KCTD8: variants seen among roughly 807,000 people sequenced by gnomAD.
KCTD8 encodes potassium channel tetramerization domain containing 8, also known as BTB/POZ domain-containing protein KCTD8.
Under a neutral mutation model 31.5 loss-of-function variants are expected in KCTD8, and 27 were observed. The ratio of observed to expected loss-of-function variants is 0.86; its 90% CI spans 0.63 to 1.18. KCTD8 has a LOEUF of 1.18. Among genes scored for constraint, KCTD8 ranks in the 50% most tolerant of loss-of-function variants. KCTD8 has a pLI of 0.00. For missense variants in KCTD8, 658 were observed against 647.7 expected, an observed-to-expected ratio of 1.02 and a Z score of -0.17; for synonymous variants, 290 against 280.0, an observed-to-expected ratio of 1.04 and a Z score of -0.36.
rs1436032928 is a variant in KCTD8 at position 44,404,222 on chromosome 4, A to G, written c.961+43341T>C. On this transcript the variant is annotated intron_variant, in intron 1 of 1. Coordinates refer to ENST00000360029, the MANE Select transcript of KCTD8 (RefSeq NM_198353.3). ...AAATAGTCATATATAATTGTCATAT[A>G]TGGCAGCCAGCTTTTTAAGTTCAAG... Among the ~76,000 whole-genome samples, 8 of 152,370 alleles carry G rather than the reference A, an allele frequency of 5.3e-5. No individual in the cohort carries two copies. In the South Asian group the frequency reaches 1.2e-3, roughly 24 times the overall value.
rs1309549385 is a variant in KCTD8, at chr4:44,185,946, T to C, written c.962-10696A>G. 2.6e-5 allele frequency among the ~76,000 whole-genome samples: 4 copies of C among 152,032 alleles called. No individual in the cohort carries two copies. The East Asian group carries it at 7.7e-4, about 29-fold the overall frequency. On this transcript the variant is annotated intron_variant, in intron 1 of 1. Transcript: ENST00000360029. ...ATACTGGAGCGGGACAGGGAAGTGCTGGGAGGAAAAGGGCGGGGTCCCTGG... is the reference window on the plus strand; with the variant it reads ...ATACTGGAGCGGGACAGGGAAGTGCCGGGAGGAAAAGGGCGGGGTCCCTGG...
At chr4:44,251,779 C>T (rs28612988) in intron 1 of KCTD8, among the ~76,000 whole-genome samples, 40,406 of 150,820 alleles carry the variant, frequency 0.27, 5,424 homozygotes, top group South Asian at 0.32. Context: ...TTTCTATTCC[C>T]AGTTTACTAA....
chr4:44,336,810 G>T (rs1184775159), intron 1 of KCTD8, among the ~76,000 whole-genome samples: 2 of 151,914 alleles, frequency 1.3e-5, no homozygotes, highest in African/African-American at 4.8e-5. Context: ...TTAGGAGATA[G>T]AGAAATAATT....
chr4:44,227,239 G>A (rs530674308), intron 1 of KCTD8, among the ~76,000 whole-genome samples: 1 of 152,282 alleles, frequency 6.6e-6, no homozygotes, highest in East Asian at 1.9e-4. Flanking sequence ...AAGGGATCCA[G>A]TTTCTGTTTT....
chr4:44,286,526 C>T (rs990515218), intron 1 of KCTD8, among the ~76,000 whole-genome samples: 9 of 152,068 alleles, frequency 5.9e-5, no homozygotes, highest in Non-Finnish European at 1.0e-4. Flanking sequence ...TTGTTTCTCA[C>T]TTATACAAAT....
At chr4:44,294,021 A>G (rs2109387173) in intron 1 of KCTD8, among the ~76,000 whole-genome samples, 1 of 152,322 alleles carries the variant, frequency 6.6e-6, no homozygotes, top group East Asian at 1.9e-4. Flanking sequence ...TTTGCTTAAA[A>G]ATTTACAAAG....
chr4:44,203,745 A>G (rs1338280426), intron 1 of KCTD8, among the ~76,000 whole-genome samples: 1 of 151,830 alleles, frequency 6.6e-6, no homozygotes, highest in African/African-American at 2.4e-5. Context: ...AGACATAAAG[A>G]CTGATAAAGT....
At chr4:44,295,761 C>T (rs1251156605) in intron 1 of KCTD8, among the ~76,000 whole-genome samples, 1 of 152,098 alleles carries the variant, frequency 6.6e-6, no homozygotes, top group Admixed American at 6.6e-5. Context: ...AACAAAACAC[C>T]TCCCAGAGGC....
intron 1 of KCTD8, among the ~76,000 whole-genome samples, chr4:44,298,688 G>C (rs902232436): frequency 6.6e-6 from 1 of 152,036 alleles, no homozygotes; most frequent in African/African-American, 2.4e-5. Flanking sequence ...AAAGTACTGG[G>C]AATAGCTACC....
At chr4:44,407,936 A>G (rs1169468829) in intron 1 of KCTD8, among the ~76,000 whole-genome samples, 1 of 152,164 alleles carries the variant, frequency 6.6e-6, no homozygotes, top group African/African-American at 2.4e-5. Context: ...ACTCTACACA[A>G]GGAGTACCCT....
At chr4:44,188,296 A>G (rs1297925434) in intron 1 of KCTD8, among the ~76,000 whole-genome samples, 1 of 152,198 alleles carries the variant, frequency 6.6e-6, no homozygotes, top group Non-Finnish European at 1.5e-5. Context: ...GGAAAGATGA[A>G]GGCATATATG....
chr4:44,442,406 G>T (rs916213851), intron 1 of KCTD8, among the ~76,000 whole-genome samples: 1 of 151,990 alleles, frequency 6.6e-6, no homozygotes, highest in African/African-American at 2.4e-5. Flanking sequence ...GTCCAACACG[G>T]TGAAACCCCA....
At chr4:44,349,028 GATGCTAATGTCT>G (rs1460572658) in intron 1 of KCTD8, among the ~76,000 whole-genome samples, 2 of 151,994 alleles carry the variant, frequency 1.3e-5, no homozygotes, top group African/African-American at 4.8e-5. Context: ...AAACTTAAAT[GATGCTAATGTCT>G]ATGCTTAGTA....
At chr4:44,378,830 T>C (rs1377228697) in intron 1 of KCTD8, among the ~76,000 whole-genome samples, 1 of 152,138 alleles carries the variant, frequency 6.6e-6, no homozygotes, top group African/African-American at 2.4e-5. Context: ...TATTATTGTA[T>C]AGTTCTGGAG....
At chr4:44,276,559 G>A (rs977035470) in intron 1 of KCTD8, among the ~76,000 whole-genome samples, 5 of 151,686 alleles carry the variant, frequency 3.3e-5, no homozygotes, top group Admixed American at 2.6e-4. Flanking sequence ...AATAATAATG[G>A]CACAATAATT....
At chr4:44,344,359 A>AT (rs1165644842) in intron 1 of KCTD8, among the ~76,000 whole-genome samples, 1 of 151,936 alleles carries the variant, frequency 6.6e-6, no homozygotes, top group Admixed American at 6.6e-5. Context: ...TAATGTTTTC[A>AT]TTTTTTTGTA....
intron 1 of KCTD8, among the ~76,000 whole-genome samples, chr4:44,256,504 C>T (rs1338541894): frequency 6.6e-6 from 1 of 151,670 alleles, no homozygotes; most frequent in Non-Finnish European, 1.5e-5. Context: ...ATTATTCCAC[C>T]AGTTGATGAG....
intron 1 of KCTD8, among the ~76,000 whole-genome samples, chr4:44,192,169 A>C (rs963290840): frequency 1.2e-4 from 19 of 152,248 alleles, no homozygotes; most frequent in Non-Finnish European, 1.6e-4. Context: ...CTAAATTTTT[A>C]ATGCACATTT....
At chr4:44,411,757 C>T (rs2109464240) in intron 1 of KCTD8, among the ~76,000 whole-genome samples, 1 of 152,002 alleles carries the variant, frequency 6.6e-6, no homozygotes, top group South Asian at 2.1e-4. Flanking sequence ...AAGAAGAATG[C>T]CCTATGACAA....
Sources: gnomAD v4.1 joint callset for allele counts (sites outside exome capture counted in the v4.1 genomes callset) on GRCh38, gnomAD v4.1.1 for gene constraint, MANE v1.5 for transcripts, NCBI Gene and HGNC (gene_info 2026-07-23, HGNC 2026-07-21) for gene names.